AGPAT3: variants seen among roughly 807,000 people sequenced by gnomAD.
AGPAT3 encodes the protein 1-acyl-sn-glycerol-3-phosphate acyltransferase gamma.
Under a neutral mutation model 47.3 loss-of-function variants are expected in AGPAT3, and 5 were observed. The ratio of observed to expected loss-of-function variants is 0.11; its 90% CI spans 0.06 to 0.22. The LOEUF (loss-of-function observed/expected upper bound fraction) is 0.22. Ranked by LOEUF, AGPAT3 falls within the 10% of genes least tolerant of loss-of-function variation. The probability of loss-of-function intolerance (pLI) is 1.00; values close to 1 mark genes in which losing one functional copy is unlikely to be tolerated. For synonymous variants in AGPAT3, 212 were observed against 208.3 expected, an observed-to-expected ratio of 1.02 and a Z score of -0.15; for missense variants, 315 against 493.0, an observed-to-expected ratio of 0.64 and a Z score of 3.42.
At chr21:43,974,292 TTA>T (rs765112611) in intron 7 of AGPAT3, among the ~76,000 whole-genome samples, 10 of 152,004 alleles carry the variant, frequency 6.6e-5, no homozygotes, top group Non-Finnish European at 8.8e-5. Context: ...TTTGTATAAA[TTA>T]TATATTCGTG....
intron 1 of AGPAT3, among the ~76,000 whole-genome samples, chr21:43,869,682 G>A (rs1361584621): frequency 1.3e-5 from 2 of 152,192 alleles, no homozygotes. Context: ...GGCACAGCCA[G>A]CCCAGTGCCA....
chr21:43,960,815 T>A, intron 3 of AGPAT3: 1 of 970,894 alleles, frequency 1.0e-6, no homozygotes, highest in East Asian at 1.1e-4. Flanking sequence ...TAAGAAAGGA[T>A]GCTGTGTGTG....
intron 1 of AGPAT3, among the ~76,000 whole-genome samples, chr21:43,885,142 C>T (rs183305230): frequency 2.0e-4 from 30 of 152,346 alleles, no homozygotes; most frequent in African/African-American, 6.5e-4. Flanking sequence ...GCGGCTAGAC[C>T]TCAAATGGCA....
rs913757963 is a variant in AGPAT3, at chr21:43,922,340, G to A, written c.-49+18321G>A. On this transcript the variant is annotated intron_variant, in intron 2 of 9. Transcript: ENST00000291572. The surrounding 1 kb of genome is among the most constrained non-coding windows in gnomAD (Gnocchi z 4.9). ...ACAGGAAGCGTGGGGGGAAGCGTGC[G>A]TGCGAAGGAGTGCAGCCCCCAGGAC... is the stretch of plus-strand genomic sequence containing the variant. Among the ~76,000 whole-genome samples, 12 of 152,220 alleles carry A rather than the reference G, an allele frequency of 7.9e-5. No individual in the cohort carries two copies. The highest frequency in any genetic ancestry group is 5.2e-4 in the Admixed American group (8 of 15,292).
Position 43,920,857 on chromosome 21 carries a change from G to A in AGPAT3, c.-49+16838G>A, listed in dbSNP as rs2086876410. Among the ~76,000 whole-genome samples the A allele has an allele frequency of 6.6e-6, 1 of 151,382 alleles. No homozygotes were observed. The highest frequency in any genetic ancestry group is 1.5e-5 in the Non-Finnish European group (1 of 67,838). On this transcript the variant is annotated intron_variant, in intron 2 of 9. Transcript: ENST00000291572. This position sits in a 1 kb window ranked among gnomAD's most constrained non-coding sequence, Gnocchi z 6.1. ...ACCAGTAAATGAGGCCAGGCGCGGT[G>A]GCTCACGCCTGTAATCCCAGCACTT... is the stretch of plus-strand genomic sequence containing the variant.
At chr21:43,884,451 A>T (rs1321313236) in intron 1 of AGPAT3, among the ~76,000 whole-genome samples, 1 of 152,060 alleles carries the variant, frequency 6.6e-6, no homozygotes, top group Non-Finnish European at 1.5e-5. Context: ...TCCTAATCCG[A>T]AAGAGCCGCA....
At position 43,981,167 on chromosome 21, in the gene AGPAT3, T is replaced by C; in HGVS notation, c.1022T>C (p.Phe341Ser). 1.9e-6 allele frequency: 3 copies of C among 1,614,138 alleles called. No individual in the cohort carries two copies. Among genetic ancestry groups the C allele is most frequent in the Non-Finnish European group, 2.5e-6 (3 of 1,180,022 alleles). ...GGATCACCTCTCCTGATCCTGACTT[T>C]CTTGGGGTTTGTGGGAGCAGGTAAT... ...ASGSPLLILT[F>S]LGFVGAASFG... Residue 341 changes from phenylalanine to serine, a missense_variant, in exon 9 of 10, where the codon TTC becomes TCC. Phe to Ser is a radical substitution (Grantham distance 155). Coordinates refer to ENST00000291572, the MANE Select transcript of AGPAT3 (RefSeq NM_020132.5). This position sits in a 1 kb window ranked among gnomAD's most constrained non-coding sequence, Gnocchi z 5.3.
At chr21:43,966,442 ATTTCC>A (rs1252976030) in intron 3 of AGPAT3, 5 of 152,154 alleles carry the variant, frequency 3.3e-5, no homozygotes, top group African/African-American at 1.2e-4. Flanking sequence ...CACACGCAGG[ATTTCC>A]TCCCGTCCAC....
intron 1 of AGPAT3, among the ~76,000 whole-genome samples, chr21:43,902,939 G>T (rs1257760298): frequency 5.3e-5 from 8 of 152,172 alleles, no homozygotes; most frequent in Non-Finnish European, 1.2e-4. Flanking sequence ...GACTGAGGCT[G>T]CAGTGAGCGG....
At chr21:43,886,570 A>G (rs1400354772) in intron 1 of AGPAT3, among the ~76,000 whole-genome samples, 4 of 152,074 alleles carry the variant, frequency 2.6e-5, no homozygotes. Flanking sequence ...GGCCTTATTC[A>G]TTCTTTCTAA....
rs1052172862 is a variant in AGPAT3, at chr21:43,955,940, T to C, written c.-48-3694T>C. 7.3e-5 allele frequency among the ~76,000 whole-genome samples: 11 copies of C among 151,486 alleles called. No individual in the cohort carries two copies. The highest frequency in any genetic ancestry group is 8.8e-5 in the Non-Finnish European group (6 of 67,950). On this transcript the variant is annotated intron_variant, in intron 2 of 9. Coordinates refer to ENST00000291572, the MANE Select transcript of AGPAT3 (RefSeq NM_020132.5). This position sits in a 1 kb window ranked among gnomAD's most constrained non-coding sequence, Gnocchi z 4.1. ...AATCAGATTCCTGTACTTTGCGCCG[T>C]AGCAACGGAATCAGCAGGTCTGCTG...
At position 43,922,962 on chromosome 21, in the gene AGPAT3, C is replaced by T. The variant is rs1324624478; in HGVS notation, c.-49+18943C>T. ...TGGGGTGCGAGCGTCTGTTCTGTGT[C>T]AGGAGTCCCTGTTTCTTTCTCCCCA... On this transcript the variant is annotated intron_variant, in intron 2 of 9. Coordinates refer to ENST00000291572, the MANE Select transcript of AGPAT3 (RefSeq NM_020132.5). This position sits in a 1 kb window ranked among gnomAD's most constrained non-coding sequence, Gnocchi z 4.9. 2.0e-5 allele frequency among the ~76,000 whole-genome samples: 3 copies of T among 152,218 alleles called. No homozygotes were observed. Among genetic ancestry groups the T allele is most frequent in the Admixed American group, 2.0e-4 (3 of 15,288 alleles).
intron 2 of AGPAT3, among the ~76,000 whole-genome samples, chr21:43,944,339 C>T (rs1260347676): frequency 2.6e-5 from 4 of 152,246 alleles, no homozygotes; most frequent in South Asian, 2.1e-4. Context: ...GTCCCTCCCC[C>T]GTGGGCCCTG....
chr21:43,968,500 C>CCTTGGGTTT (rs1338902261), intron 4 of AGPAT3, among the ~76,000 whole-genome samples: 1 of 151,244 alleles, frequency 6.6e-6, no homozygotes, highest in Non-Finnish European at 1.5e-5. Context: ...GCTGGGAGAG[C>CCTTGGGTTT]CTTGGGTTTC....
intron 2 of AGPAT3, among the ~76,000 whole-genome samples, chr21:43,943,090 G>C (rs1008394857): frequency 6.6e-5 from 10 of 151,912 alleles, no homozygotes; most frequent in Non-Finnish European, 1.5e-4. Flanking sequence ...TTTGGTGGGG[G>C]GCGGGATGGA....
chr21:43,887,172 A>T (rs1279775735), intron 1 of AGPAT3, among the ~76,000 whole-genome samples: 1 of 152,208 alleles, frequency 6.6e-6, no homozygotes, highest in Non-Finnish European at 1.5e-5. Context: ...TTGCAGGTGA[A>T]GTAGTACTGG....
In AGPAT3 at chr21:43,867,116, A is replaced by G. The variant is rs543437134; in HGVS notation, c.-112+1771A>G. On this transcript the variant is annotated intron_variant, in intron 1 of 9. Coordinates refer to ENST00000291572, the MANE Select transcript of AGPAT3 (RefSeq NM_020132.5). ...TTAGAAAAAGAGCATTCACCAAAGT[A>G]ATCTGTTCCGTCCCTGCCGTAGACA... 3.9e-5 allele frequency: 6 copies of G among 152,398 alleles called. No individual in the cohort carries two copies. In the East Asian group the frequency reaches 1.2e-3, roughly 29 times the overall value. 9.4% of individuals were successfully genotyped at this position (152,398 alleles called of 1,614,324 possible). A position where few individuals can be genotyped will look rare whatever the true frequency, so the allele number is the denominator to read the frequency against.
intron 1 of AGPAT3, among the ~76,000 whole-genome samples, chr21:43,899,919 G>A (rs2086313128): frequency 6.6e-6 from 1 of 152,204 alleles, no homozygotes; most frequent in Non-Finnish European, 1.5e-5. Context: ...GAGTGTCTCA[G>A]GTGCTGTCAG....
At chr21:43,872,740 G>A (rs533146929) in intron 1 of AGPAT3, among the ~76,000 whole-genome samples, 1 of 152,344 alleles carries the variant, frequency 6.6e-6, no homozygotes, top group Admixed American at 6.5e-5. Flanking sequence ...CTGTATGGAA[G>A]TGTGACAGGC....
Sources: gnomAD v4.1 joint callset for allele counts (sites outside exome capture counted in the v4.1 genomes callset) on GRCh38, gnomAD v4.1.1 for gene constraint, Gnocchi (gnomAD v3.1) non-coding constraint, MANE v1.5 for transcripts, NCBI Gene and HGNC (gene_info 2026-07-23, HGNC 2026-07-21) for gene names.